Variants in SNX29 observed in about 807,000 individuals in gnomAD.
SNX29 encodes sorting nexin-29.
Under a neutral mutation model 102.1 loss-of-function variants are expected in SNX29, and 78 were observed. The observed-to-expected ratio is 0.76, with a 90% CI of 0.64 to 0.92. The LOEUF (loss-of-function observed/expected upper bound fraction) is 0.92, where lower values mean the gene tolerates loss of function less well. Among genes scored for constraint, SNX29 ranks in the 40% least tolerant of loss-of-function variants. SNX29 has a pLI of 0.00. For synonymous variants in SNX29, 580 were observed against 414.5 expected, an observed-to-expected ratio of 1.40 and a Z score of -4.85; for missense variants, 1,280 against 1,061.7, an observed-to-expected ratio of 1.21 and a Z score of -2.86.
At chr16:12,035,094 G>A (rs1165261377) in intron 4 of SNX29, among the ~76,000 whole-genome samples, 1 of 151,956 alleles carries the variant, frequency 6.6e-6, no homozygotes, top group East Asian at 1.9e-4. Context: ...AGTTCCGTGG[G>A]TCCTTTGCTT....
At chr16:12,360,650 C>G (rs536446761) in intron 16 of SNX29, among the ~76,000 whole-genome samples, 3 of 152,170 alleles carry the variant, frequency 2.0e-5, no homozygotes, top group East Asian at 3.9e-4. Context: ...CCCATCCCCC[C>G]ACCCCCTACC....
chr16:12,007,903 A>G (rs575436507), intron 3 of SNX29, among the ~76,000 whole-genome samples: 2 of 152,096 alleles, frequency 1.3e-5, no homozygotes, highest in African/African-American at 4.8e-5. Flanking sequence ...TGATCCAGCC[A>G]TCTGCCCTTT....
intron 19 of SNX29, among the ~76,000 whole-genome samples, chr16:12,492,542 C>T (rs2088603114): frequency 6.6e-6 from 1 of 152,008 alleles, no homozygotes; most frequent in Non-Finnish European, 1.5e-5. Context: ...TAATTAGATC[C>T]CATTTGTCAA....
At chr16:12,078,972 C>T (rs905443529) in intron 11 of SNX29, 57 bp downstream of exon 11, 1 of 1,439,244 alleles carries the variant, frequency 6.9e-7, no homozygotes, top group South Asian at 1.3e-5. Context: ...GCCCACGTCT[C>T]ATGGCGGTGC....
chr16:12,226,629 A>C (rs1027293488), intron 14 of SNX29, among the ~76,000 whole-genome samples: 4 of 148,042 alleles, frequency 2.7e-5, no homozygotes. Flanking sequence ...GCTAGAGTAC[A>C]CTGGTGCAAT....
At chr16:12,157,224 A>G (rs11642867) in intron 13 of SNX29, among the ~76,000 whole-genome samples, 24,293 of 152,100 alleles carry the variant, frequency 0.16, 2,109 homozygotes, top group East Asian at 0.27. Flanking sequence ...TTGTCCCCTC[A>G]AGGTGCTGGC....
chr16:12,562,095 A>C (rs1250915498), intron 20 of SNX29, among the ~76,000 whole-genome samples: 2 of 152,094 alleles, frequency 1.3e-5, no homozygotes, highest in African/African-American at 2.4e-5. Context: ...TTTGAACCGC[A>C]TTTCTAAGGC....
In SNX29 at chr16:12,241,693, C is replaced by T. The variant is rs148629418; in HGVS notation, c.1679-36240C>T. Among the ~76,000 whole-genome samples, 109 of 152,290 alleles carry T rather than the reference C, an allele frequency of 7.2e-4. 1 individual carries two copies. The East Asian group carries it at 0.018, about 25-fold the overall frequency. On this transcript the variant is annotated intron_variant, in intron 14 of 20. Coordinates refer to ENST00000566228, the MANE Select transcript of SNX29 (RefSeq NM_032167.5). ...GCCAGGCTAGTCTCAAACTCCTGACCTCAAGTGATCCGCCTGCCTTGGCCT... is the reference window on the plus strand; with the variant it reads ...GCCAGGCTAGTCTCAAACTCCTGACTTCAAGTGATCCGCCTGCCTTGGCCT...
intron 20 of SNX29, among the ~76,000 whole-genome samples, chr16:12,540,367 T>C (rs62026884): frequency 0.12 from 18,894 of 152,214 alleles, 1,410 homozygotes; most frequent in Non-Finnish European, 0.16. Context: ...TATTAATTTC[T>C]TATTGTTGCC....
intron 19 of SNX29, among the ~76,000 whole-genome samples, chr16:12,504,186 T>C (rs2089263616): frequency 6.6e-6 from 1 of 152,214 alleles, no homozygotes; most frequent in Non-Finnish European, 1.5e-5. Flanking sequence ...CTTCTTAGCA[T>C]AATATTTTCA....
At chr16:12,552,066 C>T (rs952643207) in intron 20 of SNX29, among the ~76,000 whole-genome samples, 1 of 130,230 alleles carries the variant, frequency 7.7e-6, no homozygotes, top group African/African-American at 2.5e-5. Context: ...GGCACTGAAT[C>T]TCTGTCTCAA....
intron 3 of SNX29, among the ~76,000 whole-genome samples, chr16:12,011,868 TACTC>T (rs1311885314): frequency 6.6e-6 from 1 of 152,168 alleles, no homozygotes; most frequent in Non-Finnish European, 1.5e-5. Context: ...ATAATAATGA[TACTC>T]ACTTGCTAGG....
At chr16:12,003,828 G>A (rs1371905858) in intron 3 of SNX29, among the ~76,000 whole-genome samples, 1 of 152,144 alleles carries the variant, frequency 6.6e-6, no homozygotes, top group Non-Finnish European at 1.5e-5. Context: ...CCAACATGGT[G>A]AAACCCCGTC....
intron 9 of SNX29, among the ~76,000 whole-genome samples, chr16:12,062,025 G>A (rs1250340696): frequency 1.3e-5 from 2 of 152,164 alleles, no homozygotes; most frequent in Non-Finnish European, 2.9e-5. Context: ...ACCCCTGTCT[G>A]TAAAGGCCCT....
rs138613534 is a variant in SNX29 at position 12,547,581 on chromosome 16, G to C, written c.2319-20925G>C. The stretch of plus-strand genomic sequence containing the variant: ...GGTTAACATCCCCCTCCCTCACGAG[G>C]ATTAAATACACCCCCACGAAGTCAG... On this transcript the variant is annotated intron_variant, in intron 20 of 20. Transcript: ENST00000566228. Among the ~76,000 whole-genome samples the C allele has an allele frequency of 6.6e-5, 10 of 152,130 alleles. No homozygotes were observed. The East Asian group carries it at 1.7e-3, about 26-fold the overall frequency.
chr16:12,542,618 C>T (rs1442142605), intron 20 of SNX29, among the ~76,000 whole-genome samples: 1 of 152,218 alleles, frequency 6.6e-6, no homozygotes, highest in East Asian at 1.9e-4. Flanking sequence ...AGGCGTGAGC[C>T]ACGGCACCCA....
intron 20 of SNX29, chr16:12,561,203 A>C (rs1248153100): frequency 4.3e-6 from 1 of 230,450 alleles, no homozygotes. Flanking sequence ...GCCCATCAGG[A>C]CCCCCGCAGC....
At chr16:12,119,067 G>A (rs1297656897) in intron 11 of SNX29, among the ~76,000 whole-genome samples, 1 of 152,186 alleles carries the variant, frequency 6.6e-6, no homozygotes, top group African/African-American at 2.4e-5. Context: ...TTGATCTCTT[G>A]GACCTGTGTG....
At chr16:12,437,652 T>C (rs1264980635) in intron 18 of SNX29, among the ~76,000 whole-genome samples, 1 of 152,112 alleles carries the variant, frequency 6.6e-6, no homozygotes, top group Non-Finnish European at 1.5e-5. Flanking sequence ...ATAGCTGCCC[T>C]CTCCTCCTTC....
Sources: gnomAD v4.1 joint callset for allele counts (sites outside exome capture counted in the v4.1 genomes callset) on GRCh38, gnomAD v4.1.1 for gene constraint, MANE v1.5 for transcripts, NCBI Gene and HGNC (gene_info 2026-07-23, HGNC 2026-07-21) for gene names.